The following GPC3 variants were observed in gnomAD, a reference collection of about 807,000 sequenced individuals.
The protein encoded by GPC3 is glypican-3.
A neutral mutation model predicts 34.4 loss-of-function variants in GPC3; 3 were observed. The observed-to-expected ratio is 0.09, with a 90% confidence interval of 0.04 to 0.23. The LOEUF (loss-of-function observed/expected upper bound fraction) is 0.23, where lower values mean the gene tolerates loss of function less well. Among genes scored for constraint, GPC3 ranks in the 10% least tolerant of loss-of-function variants. The pLI is 1.00. For missense variants in GPC3, 351 were observed against 445.6 expected (o/e 0.79, Z 1.91); for synonymous variants, 177 against 174.0 (o/e 1.02, Z -0.13).
chrX:133,778,854 T>C (rs997638222), intron 2 of GPC3, among the ~76,000 whole-genome samples: 3 of 111,984 alleles, frequency 2.7e-5, no homozygotes, highest in Admixed American at 1.9e-4. Flanking sequence ...TTGAAGGACA[T>C]GAAACACTTT....
intron 2 of GPC3, among the ~76,000 whole-genome samples, chrX:133,921,249 C>T (rs955389179): frequency 1.8e-5 from 2 of 111,704 alleles, no homozygotes; most frequent in Non-Finnish European, 3.8e-5. Context: ...CCTCTGGTCT[C>T]CGGGCCCCTC....
intron 2 of GPC3, among the ~76,000 whole-genome samples, chrX:133,905,386 T>C (rs2076163516): frequency 8.9e-6 from 1 of 112,532 alleles, no homozygotes; most frequent in Non-Finnish European, 1.9e-5. Flanking sequence ...TGGAGTTATC[T>C]GCAGGCAAAT....
intron 2 of GPC3, among the ~76,000 whole-genome samples, chrX:133,834,592 T>C (rs2075791160): frequency 8.9e-6 from 1 of 111,733 alleles, no homozygotes; most frequent in Admixed American, 9.6e-5. Context: ...AAGAATAAAG[T>C]GGGCATGATA....
intron 6 of GPC3, among the ~76,000 whole-genome samples, chrX:133,613,227 T>A (rs1214081675): frequency 8.9e-6 from 1 of 112,176 alleles, no homozygotes; most frequent in Non-Finnish European, 1.9e-5. Context: ...ATTTATGGCT[T>A]TTGGTGAATG....
intron 2 of GPC3, among the ~76,000 whole-genome samples, chrX:133,803,864 A>C (rs1188068704): frequency 9.0e-6 from 1 of 111,410 alleles, no homozygotes; most frequent in African/African-American, 3.3e-5. Context: ...GCTGCTAAGT[A>C]TATTCTACTT....
At chrX:133,649,689 ATGCAGCTATAACAAAC>A (rs1394243801) in intron 6 of GPC3, among the ~76,000 whole-genome samples, 1 of 111,756 alleles carries the variant, frequency 8.9e-6, no homozygotes, top group African/African-American at 3.3e-5. Context: ...GAGCATCCAT[ATGCAGCTATAACAAAC>A]TGCCTCTAGC....
chrX:133,879,902 A>G (rs2076034225), intron 2 of GPC3, among the ~76,000 whole-genome samples: 1 of 112,010 alleles, frequency 8.9e-6, no homozygotes, highest in Admixed American at 9.5e-5. Flanking sequence ...TTCTTTTTAC[A>G]TAGTTTAAAC....
intron 2 of GPC3, among the ~76,000 whole-genome samples, chrX:133,823,949 G>C (rs2075732857): frequency 1.0e-5 from 1 of 97,837 alleles, no homozygotes; most frequent in South Asian, 5.1e-4. Context: ...ACTCTAGCCT[G>C]GGTGACAGAG....
At chrX:133,735,840 G>C in intron 3 of GPC3, among the ~76,000 whole-genome samples, 1 of 109,272 alleles carries the variant, frequency 9.2e-6, no homozygotes, top group Admixed American at 9.9e-5. Flanking sequence ...GTGTGTGCCT[G>C]TAGTCCCAGC....
At chrX:133,923,131 TACAC>T (rs375148219) in intron 2 of GPC3, among the ~76,000 whole-genome samples, 1 of 107,811 alleles carries the variant, frequency 9.3e-6, no homozygotes, top group Non-Finnish European at 1.9e-5. Context: ...TACACGCGTG[TACAC>T]ACACACACAC....
chrX:133,743,554 G>T (rs762601254), intron 3 of GPC3, among the ~76,000 whole-genome samples: 1 of 111,977 alleles, frequency 8.9e-6, no homozygotes, highest in Admixed American at 9.5e-5. Flanking sequence ...AACTACACTC[G>T]CCAAGAGGAA....
At chrX:133,758,619 T>C (rs1215104513) in intron 2 of GPC3, among the ~76,000 whole-genome samples, 2 of 110,561 alleles carry the variant, frequency 1.8e-5, no homozygotes, top group Non-Finnish European at 3.8e-5. Context: ...AGGTGATAGG[T>C]TGCTAAGCAC....
chrX:133,807,404 T>C (rs780438299), intron 2 of GPC3, among the ~76,000 whole-genome samples: 2 of 111,963 alleles, frequency 1.8e-5, no homozygotes, highest in Non-Finnish European at 3.8e-5. Context: ...GCCAAACAAA[T>C]GTCTTTTCTT....
At chrX:133,620,316 C>G (rs1417467159) in intron 6 of GPC3, among the ~76,000 whole-genome samples, 1 of 110,120 alleles carries the variant, frequency 9.1e-6, no homozygotes, top group Non-Finnish European at 1.9e-5. Context: ...TAAGAAGGAA[C>G]CTTTATTTTA....
intron 2 of GPC3, among the ~76,000 whole-genome samples, chrX:133,790,484 G>A (rs113163162): frequency 3.3e-3 from 368 of 111,620 alleles, no homozygotes; most frequent in African/African-American, 8.5e-3. Context: ...GGGGGAGACC[G>A]AAAAGGGTAT....
At chrX:133,888,018 C>G (rs1465418962) in intron 2 of GPC3, among the ~76,000 whole-genome samples, 3 of 108,993 alleles carry the variant, frequency 2.8e-5, no homozygotes, top group Non-Finnish European at 5.7e-5. Context: ...TGGTTTGCTG[C>G]ACCCATCAAC....
At chrX:133,675,906 A>T (rs1337707364) in intron 5 of GPC3, among the ~76,000 whole-genome samples, 1 of 112,296 alleles carries the variant, frequency 8.9e-6, no homozygotes. Flanking sequence ...GAGGTCCTGA[A>T]TTTTCCAATG....
intron 2 of GPC3, among the ~76,000 whole-genome samples, chrX:133,787,295 T>G (rs757055838): frequency 8.9e-6 from 1 of 112,450 alleles, no homozygotes; most frequent in South Asian, 3.8e-4. Flanking sequence ...GTATATTTTT[T>G]TCCCTCTCGC....
intron 2 of GPC3, among the ~76,000 whole-genome samples, chrX:133,948,612 AC>A (rs1378950417): frequency 9.0e-6 from 1 of 110,843 alleles, no homozygotes; most frequent in African/African-American, 3.3e-5. Flanking sequence ...GAACCGACAA[AC>A]CTCTCCTGAT....
Sources: allele counts gnomAD v4.1 joint callset (sites outside exome capture counted in the v4.1 genomes callset), GRCh38; gene constraint gnomAD v4.1.1; transcripts MANE v1.5; gene names NCBI Gene and HGNC (gene_info 2026-07-23, HGNC 2026-07-21).